The following CTNS variants were observed in gnomAD, a reference collection of about 807,000 sequenced individuals.
CTNS encodes cystinosin, lysosomal cystine transporter, also known as cystinosin.
Under a neutral mutation model 43.7 loss-of-function variants are expected in CTNS, and 27 were observed. That is an observed-to-expected ratio of 0.62 (90% CI 0.46 to 0.85). The LOEUF is 0.85. Among genes scored for constraint, CTNS ranks in the 40% least tolerant of loss-of-function variants. The probability of loss-of-function intolerance (pLI) is 0.00; values close to 1 mark genes in which losing one functional copy is unlikely to be tolerated. For synonymous variants in CTNS, 187 were observed against 190.6 expected (o/e 0.98, Z 0.16); for missense variants, 457 against 475.4 (o/e 0.96, Z 0.36).
intron 2 of CTNS, among the ~76,000 whole-genome samples, chr17:3,639,667 C>CAA (rs3039676): frequency 0.41 from 58,056 of 140,736 alleles, 12,042 homozygotes; most frequent in Non-Finnish European, 0.47. Context: ...GACTCTGTCT[C>CAA]AAAAAAAAAA....
intron 3 of CTNS, among the ~76,000 whole-genome samples, chr17:3,644,072 G>C (rs1033814307): frequency 3.3e-5 from 5 of 152,124 alleles, no homozygotes; most frequent in African/African-American, 1.2e-4. Flanking sequence ...TTTAGACTTG[G>C]GGGGCCAGCT....
intron 5 of CTNS, 97 bp from the exon 6 acceptor site, chr17:3,654,901 G>A (rs1400859720): frequency 1.0e-5 from 9 of 888,336 alleles, no homozygotes; most frequent in East Asian, 4.8e-5. Context: ...CGGGTGGTGC[G>A]TCCCTCCGTT....
At chr17:3,650,061 TG>T (rs2150909079) in intron 5 of CTNS, 2 of 1,415,946 alleles carry the variant, frequency 1.4e-6, no homozygotes, top group East Asian at 5.0e-5. Context: ...TCTGAGATGA[TG>T]GATATTAATT....
intron 5 of CTNS, chr17:3,650,174 C>G: frequency 6.5e-7 from 1 of 1,550,118 alleles, no homozygotes; most frequent in Non-Finnish European, 8.7e-7. Context: ...CTTAATAAAG[C>G]TGGTGGAAGC....
chr17:3,649,129 A>T (rs1263280991), intron 5 of CTNS, among the ~76,000 whole-genome samples, 198 bp downstream of exon 5: 1 of 152,132 alleles, frequency 6.6e-6, no homozygotes, highest in Non-Finnish European at 1.5e-5. Context: ...ATAGTGAGGA[A>T]CCTGAGGCAA....
intron 11 of CTNS, 94 bp downstream of exon 11, chr17:3,660,069 C>G: frequency 7.0e-7 from 1 of 1,437,596 alleles, no homozygotes; most frequent in Non-Finnish European, 9.8e-7. Flanking sequence ...TCCACCCCCA[C>G]CTGGGATCCA....
intron 3 of CTNS, among the ~76,000 whole-genome samples, chr17:3,643,428 G>T (rs1216997488): frequency 6.6e-6 from 1 of 151,934 alleles, no homozygotes; most frequent in African/African-American, 2.4e-5. Context: ...AGGCCTATAA[G>T]AATTAATTTT....
chr17:3,652,856 A>AC lies in CTNS; in HGVS notation c.226-2141dup, dbSNP rs199959863. Among the ~76,000 whole-genome samples the AC allele has an allele frequency of 7.8e-3, 1,184 of 152,312 alleles. 12 individuals carry two copies. The highest frequency in any genetic ancestry group is 0.027 in the African/African-American group (1,125 of 41,586). On this transcript the variant is annotated intron_variant, in intron 5 of 11. Transcript: ENST00000046640. ...TGAAGATGTACCTTGTGAGACGTGG[A>AC]CGTAAGTTGGACTCCAGGCTTTGCT...
At chr17:3,647,677 G>T in intron 4 of CTNS, 155 bp downstream of exon 4, 1 of 730,352 alleles carries the variant, frequency 1.4e-6, no homozygotes, top group Non-Finnish European at 2.4e-6. Flanking sequence ...TGCTAGCCCC[G>T]GGCTGCAGGA....
intron 3 of CTNS, among the ~76,000 whole-genome samples, chr17:3,643,249 G>A (rs2075764425): frequency 6.6e-6 from 1 of 152,022 alleles, no homozygotes; most frequent in Non-Finnish European, 1.5e-5. Context: ...GGGAGGCAGA[G>A]GTTGCAGTGA....
intron 2 of CTNS, among the ~76,000 whole-genome samples, chr17:3,639,054 G>GA (rs1416966002): frequency 6.6e-6 from 1 of 152,186 alleles, no homozygotes. Context: ...GTGTAAGGGA[G>GA]ATGTCCGGAG....
chr17:3,662,436 C>A lies in CTNS; in HGVS notation c.*2067C>A, dbSNP rs1218265672. 6.6e-6 allele frequency among the ~76,000 whole-genome samples: 1 copy of A among 152,168 alleles called. No homozygotes were observed. The highest frequency in any genetic ancestry group is 1.5e-5 in the Non-Finnish European group (1 of 68,040). On this transcript the variant is annotated 3_prime_UTR_variant, in exon 12 of 12. Coordinates refer to ENST00000046640, the MANE Select transcript of CTNS (RefSeq NM_004937.3). ...AGTCAGGTGCTCTCTGACTCACCCC[C>A]ATCTGGCCAGATCACGGCCCCCAGC...
chr17:3,660,058 C>T (rs1567716548), intron 11 of CTNS, 83 bp downstream of exon 11: 7 of 1,449,764 alleles, frequency 4.8e-6, no homozygotes, highest in South Asian at 4.6e-5. Context: ...CCAGCCAGGG[C>T]TCCACCCCCA....
In CTNS at chr17:3,661,022, A is replaced by C. The variant is rs2076268534; in HGVS notation, c.*653A>C. 1 of 485,310 alleles carries C rather than the reference A, an allele frequency of 2.1e-6. No homozygotes were observed. The allele number at this position is 485,310 out of a possible 1,614,324, so 30.1% of individuals were successfully genotyped here. A position where few individuals can be genotyped will look rare whatever the true frequency, so the allele number is the denominator to read the frequency against. On this transcript the variant is annotated 3_prime_UTR_variant, in exon 12 of 12. Coordinates refer to ENST00000046640, the MANE Select transcript of CTNS (RefSeq NM_004937.3). Reference sequence around the variant, plus strand: ...GGATTCATGCCCAGCGCATTAGCATAGTAACTCCTTTCAGATTTTTTGGAG... The same window carrying C: ...GGATTCATGCCCAGCGCATTAGCATCGTAACTCCTTTCAGATTTTTTGGAG...
rs749616554 is a variant in CTNS, at chr17:3,655,358, C to G, written c.461+6C>G. ...ATGAATTGGAGGCGGAAAAGGTAAC[C>G]CCCTGGGCCGTATGTGCAGGCTCTC... is the stretch of plus-strand genomic sequence containing the variant. On this transcript the variant is annotated splice_donor_region_variant and intron_variant, in intron 7 of 11. Coordinates refer to ENST00000046640, the MANE Select transcript of CTNS (RefSeq NM_004937.3). 4 of 1,613,950 alleles carry G rather than the reference C, an allele frequency of 2.5e-6. No homozygotes were observed. The Middle Eastern group carries it at 5.1e-4, about 204-fold the overall frequency.
chr17:3,642,759 T>C (rs1018470494), intron 3 of CTNS, among the ~76,000 whole-genome samples: 1 of 152,174 alleles, frequency 6.6e-6, no homozygotes, highest in Non-Finnish European at 1.5e-5. Flanking sequence ...TCCAACCTCA[T>C]TCTGCCCTTG....
chr17:3,660,146 T>G, intron 11 of CTNS, 90 bp from the exon 12 acceptor site: 1 of 1,582,588 alleles, frequency 6.3e-7, no homozygotes, highest in Non-Finnish European at 8.7e-7. Context: ...TGTGGTTTTC[T>G]GGGACCCCCA....
chr17:3,646,839 G>A (rs185376157), intron 3 of CTNS, among the ~76,000 whole-genome samples: 10 of 152,310 alleles, frequency 6.6e-5, no homozygotes, highest in African/African-American at 2.4e-4. Flanking sequence ...ATGCCAAGAA[G>A]AAATCTCAGA....
intron 2 of CTNS, among the ~76,000 whole-genome samples, chr17:3,639,967 C>A (rs2075644346): frequency 6.6e-6 from 1 of 152,202 alleles, no homozygotes; most frequent in South Asian, 2.1e-4. Flanking sequence ...GCACTTTACA[C>A]AACCCATTTA....
Sources: allele counts gnomAD v4.1 joint callset (sites outside exome capture counted in the v4.1 genomes callset), GRCh38; gene constraint gnomAD v4.1.1; transcripts MANE v1.5; gene names NCBI Gene and HGNC (gene_info 2026-07-23, HGNC 2026-07-21).